Variants in ANKDD1B observed in about 807,000 individuals in gnomAD.
ANKDD1B encodes the protein ankyrin repeat and death domain containing 1B.
In ANKDD1B, 57 loss-of-function variants were observed where a neutral mutation model predicts 59.7. The observed-to-expected ratio is 0.95, with a 90% CI of 0.77 to 1.19. The LOEUF is 1.19. Among genes scored for constraint, ANKDD1B ranks in the 50% most tolerant of loss-of-function variants. ANKDD1B has a pLI of 0.00. For missense variants in ANKDD1B, 602 were observed against 641.9 expected, an observed-to-expected ratio of 0.94 and a Z score of 0.67; for synonymous variants, 216 against 239.5, an observed-to-expected ratio of 0.90 and a Z score of 0.91.
chr5:75,630,287 T>C (rs1774114256), intron 5 of ANKDD1B, among the ~76,000 whole-genome samples: 2 of 152,242 alleles, frequency 1.3e-5, no homozygotes, highest in South Asian at 4.1e-4. Flanking sequence ...TAATAATATG[T>C]ACTCAATGAG....
At chr5:75,641,600 C>T (rs114845675) in intron 7 of ANKDD1B, among the ~76,000 whole-genome samples, 4,613 of 152,266 alleles carry the variant, frequency 0.03, 195 homozygotes, top group African/African-American at 0.098. Flanking sequence ...ATATGCTGCT[C>T]TGCACCTTGG....
At chr5:75,660,382 G>A (rs548707734) in intron 10 of ANKDD1B, among the ~76,000 whole-genome samples, 40 of 152,322 alleles carry the variant, frequency 2.6e-4, no homozygotes, top group Middle Eastern at 3.4e-3. Context: ...TTCACTTAGC[G>A]TAACGTCTTC....
chr5:75,636,049 A>C (rs1428010776), intron 7 of ANKDD1B, among the ~76,000 whole-genome samples, 167 bp downstream of exon 7: 1 of 152,238 alleles, frequency 6.6e-6, no homozygotes, highest in African/African-American at 2.4e-5. Flanking sequence ...ACAGCACTTC[A>C]TTTGTTAATC....
At chr5:75,615,714 C>T (rs1054016620) in intron 1 of ANKDD1B, among the ~76,000 whole-genome samples, 5 of 151,230 alleles carry the variant, frequency 3.3e-5, no homozygotes, top group Non-Finnish European at 5.9e-5. Flanking sequence ...CCTAATCTCT[C>T]TTCTTATAGG....
chr5:75,648,269 A>AAAAAAAAAAATT (rs1554068898), intron 7 of ANKDD1B, among the ~76,000 whole-genome samples: 3,625 of 35,802 alleles, frequency 0.1, 161 homozygotes, highest in East Asian at 0.47. Flanking sequence ...AAAAAAATTA[A>AAAAAAAAAAATT]AAAAAAAAAA....
chr5:75,666,096 C>T lies in ANKDD1B; in HGVS notation c.1192-696C>T, dbSNP rs115752025. Among the ~76,000 whole-genome samples, 916 of 152,234 alleles carry T rather than the reference C, an allele frequency of 6.0e-3. 6 individuals are homozygous for T. The highest frequency in any genetic ancestry group is 0.021 in the African/African-American group (868 of 41,542). On this transcript the variant is annotated intron_variant, in intron 11 of 13. Transcript: ENST00000601380. ...CCTGCTTTCACTCAGTGATTTTCTC[C>T]GGTGTTTGTGGTTTGATTCTGCAGG...
At chr5:75,659,164 C>G (rs1775050507) in intron 9 of ANKDD1B, 119 bp from the exon 10 acceptor site, 1 of 704,656 alleles carries the variant, frequency 1.4e-6, no homozygotes, top group South Asian at 1.6e-5. Flanking sequence ...CAATGAATGC[C>G]CCAGTATCCA....
chr5:75,663,572 A>G (rs966248394), intron 11 of ANKDD1B, 83 bp downstream of exon 11: 11 of 1,117,380 alleles, frequency 9.8e-6, no homozygotes, highest in Non-Finnish European at 1.4e-5. Flanking sequence ...GGTCTGTGCC[A>G]TTCTTTGCTC....
intron 3 of ANKDD1B, among the ~76,000 whole-genome samples, chr5:75,622,003 A>G (rs1051425092): frequency 6.6e-6 from 1 of 152,194 alleles, no homozygotes; most frequent in Non-Finnish European, 1.5e-5. Context: ...CAGTGGCATT[A>G]CTCTGTAACT....
intron 3 of ANKDD1B, among the ~76,000 whole-genome samples, chr5:75,623,824 G>T (rs1430327566): frequency 2.0e-5 from 3 of 152,042 alleles, no homozygotes. Context: ...AATGTTTCCT[G>T]GGGGCAAAAT....
chr5:75,649,960 G>T lies in ANKDD1B; in HGVS notation c.799-3182G>T, dbSNP rs1405523692. 2.6e-5 allele frequency among the ~76,000 whole-genome samples: 4 copies of T among 152,274 alleles called. No individual in the cohort carries two copies. The East Asian group carries it at 7.7e-4, about 29-fold the overall frequency. On this transcript the variant is annotated intron_variant, in intron 7 of 13. Coordinates refer to ENST00000601380, the MANE Select transcript of ANKDD1B (RefSeq NM_001276713.2). ...ATATCCCTCCACTATCTAAAATAGT[G>T]CCTGGCACAAAATAAGTGCTCAATA...
At chr5:75,614,210 G>A (rs1425929452) in intron 1 of ANKDD1B, among the ~76,000 whole-genome samples, 1 of 151,848 alleles carries the variant, frequency 6.6e-6, no homozygotes, top group East Asian at 2.0e-4. Flanking sequence ...GTTAGCATTT[G>A]TGTCAGTTCT....
rs1009154117 is a variant in ANKDD1B, at chr5:75,650,084, G to T, written c.799-3058G>T. Reference sequence around the variant, plus strand: ...AGTATTGTGATTTCAGAGAAAGAAGGGGGTGATGTGGTAGGCAGGGTCAGG... The same window carrying T: ...AGTATTGTGATTTCAGAGAAAGAAGTGGGTGATGTGGTAGGCAGGGTCAGG... On this transcript the variant is annotated intron_variant, in intron 7 of 13. Transcript: ENST00000601380. Among the ~76,000 whole-genome samples, 7 of 152,310 alleles carry T rather than the reference G, an allele frequency of 4.6e-5. No homozygotes were observed. The East Asian group carries it at 9.6e-4, about 21-fold the overall frequency.
intron 4 of ANKDD1B, 27 bp from the exon 5 acceptor site, chr5:75,625,824 A>T (rs2097458642): frequency 1.3e-6 from 2 of 1,531,442 alleles, no homozygotes; most frequent in South Asian, 2.4e-5. Flanking sequence ...GTCACTGTCT[A>T]TCTCCCCCAC....
intron 5 of ANKDD1B, among the ~76,000 whole-genome samples, chr5:75,631,833 C>G (rs1038402865): frequency 6.6e-6 from 1 of 152,082 alleles, no homozygotes; most frequent in African/African-American, 2.4e-5. Flanking sequence ...GGGCTAGGCG[C>G]GGTGGCTCAC....
At chr5:75,625,491 T>C (rs1773966520) in intron 3 of ANKDD1B, among the ~76,000 whole-genome samples, 156 bp from the exon 4 acceptor site, 1 of 152,202 alleles carries the variant, frequency 6.6e-6, no homozygotes, top group African/African-American at 2.4e-5. Flanking sequence ...TAACCATTTT[T>C]CCCCATAGGA....
rs749445368 is a variant in ANKDD1B at position 75,656,154 on chromosome 5, G to C, written c.996+27G>C. The C allele has an allele frequency of 3.4e-6, 4 of 1,172,524 alleles. No individual in the cohort carries two copies. The South Asian group carries it at 5.6e-5, about 16-fold the overall frequency. 72.6% of individuals were successfully genotyped at this position (1,172,524 alleles called of 1,614,324 possible). A position where few individuals can be genotyped will look rare whatever the true frequency, so the allele number is the denominator to read the frequency against. On this transcript the variant is annotated intron_variant, in intron 9 of 13. Transcript: ENST00000601380. ...TAAGCCAGGCAAATCAGAGCCTGGA[G>C]GGTCTCTTTTCTTAGTTTCAACACA...
chr5:75,645,351 G>T (rs1774615542), intron 7 of ANKDD1B, among the ~76,000 whole-genome samples: 1 of 83,784 alleles, frequency 1.2e-5, no homozygotes, highest in East Asian at 2.9e-4. Context: ...TAGACCGCTA[G>T]CAAGACTAAT....
At chr5:75,654,163 C>T (rs146572422) in intron 8 of ANKDD1B, among the ~76,000 whole-genome samples, 38 of 152,308 alleles carry the variant, frequency 2.5e-4, no homozygotes, top group African/African-American at 8.4e-4. Flanking sequence ...CTGACTTACT[C>T]AGCTGTGGTC....
Sources: gnomAD v4.1 joint callset for allele counts (sites outside exome capture counted in the v4.1 genomes callset) on GRCh38, gnomAD v4.1.1 for gene constraint, MANE v1.5 for transcripts, NCBI Gene and HGNC (gene_info 2026-07-23, HGNC 2026-07-21) for gene names.